Variants in SYNPO2 observed in about 807,000 individuals in gnomAD.
SYNPO2 encodes the protein synaptopodin 2, also known as synaptopodin-2.
In SYNPO2, 56 loss-of-function variants were observed where a neutral mutation model predicts 85.0. The observed-to-expected ratio is 0.66, with a 90% CI of 0.53 to 0.82. The LOEUF (loss-of-function observed/expected upper bound fraction) is 0.82. Ranked by LOEUF, SYNPO2 falls within the 40% of genes least tolerant of loss-of-function variation. The pLI, the probability that SYNPO2 is intolerant of heterozygous loss-of-function variation, is 0.00. For missense variants in SYNPO2, 1,575 were observed against 1,534.2 expected (o/e 1.03, Z -0.44); for synonymous variants, 602 against 591.1 (o/e 1.02, Z -0.27).
chr4:118,988,982 C>T lies in SYNPO2; in HGVS notation c.106-34448C>T, dbSNP rs190888820. Among the ~76,000 whole-genome samples the T allele has an allele frequency of 3.3e-5, 5 of 152,260 alleles. No individual in the cohort carries two copies. In the East Asian group the frequency reaches 9.7e-4, roughly 29 times the overall value. ...GGTGACCAAGCAGGTCTTACAGTTC[C>T]CTTCCTCAGTTAAAACAACAAAAAA... On this transcript the variant is annotated intron_variant, in intron 1 of 4. Transcript: ENST00000307142.
chr4:119,026,906 A>G lies in SYNPO2; in HGVS notation c.537A>G (p.Ala179=), dbSNP rs375549187. Residue 179 remains alanine, a synonymous_variant, in exon 3 of 5, where the codon GCA becomes GCG. Transcript: ENST00000307142. ...CTGACTCCCAAAGAGGACGCGTGGCAGAAGAGCTGATCTTAAGGGAGAAGG... is the reference window on the plus strand; with the variant it reads ...CTGACTCCCAAAGAGGACGCGTGGCGGAAGAGCTGATCTTAAGGGAGAAGG... ...QMPDSQRGRV[A]EELILREKVE... 1.2e-6 allele frequency: 2 copies of G among 1,614,198 alleles called. No homozygotes were observed. The highest frequency in any genetic ancestry group is 1.7e-6 in the Non-Finnish European group (2 of 1,180,036).
intron 1 of SYNPO2, among the ~76,000 whole-genome samples, chr4:118,896,967 A>T (rs1358502905): frequency 6.6e-6 from 1 of 152,086 alleles, no homozygotes; most frequent in Non-Finnish European, 1.5e-5. Flanking sequence ...GATAAAAAAA[A>T]AAAATGAAGG....
At chr4:118,956,249 A>C (rs939029455) in intron 1 of SYNPO2, among the ~76,000 whole-genome samples, 1 of 152,194 alleles carries the variant, frequency 6.6e-6, no homozygotes, top group South Asian at 2.1e-4. Flanking sequence ...CCATGTGTGA[A>C]GAGTAGAAAG....
intron 1 of SYNPO2, among the ~76,000 whole-genome samples, chr4:118,905,489 A>G (rs1732903834): frequency 6.6e-6 from 1 of 151,790 alleles, no homozygotes; most frequent in African/African-American, 2.4e-5. Context: ...AGAACACAGG[A>G]AGTCCGGCAT....
intron 1 of SYNPO2, among the ~76,000 whole-genome samples, chr4:118,960,972 A>G (rs750335213): frequency 6.6e-6 from 1 of 152,150 alleles, no homozygotes; most frequent in South Asian, 2.1e-4. Context: ...AGAAGCTAGC[A>G]TAAGTTTAAC....
At chr4:118,915,258 T>A (rs1214495002) in intron 1 of SYNPO2, among the ~76,000 whole-genome samples, 2 of 152,144 alleles carry the variant, frequency 1.3e-5, no homozygotes, top group Non-Finnish European at 2.9e-5. Context: ...ATACCTGATG[T>A]CTGACATTAA....
chr4:119,000,642 C>T (rs993325704), intron 1 of SYNPO2, among the ~76,000 whole-genome samples: 16 of 152,206 alleles, frequency 1.1e-4, no homozygotes, highest in Admixed American at 7.2e-4. Flanking sequence ...CTGCCACCTT[C>T]ATACCATGGC....
chr4:118,981,948 T>G (rs1736024210), intron 1 of SYNPO2, among the ~76,000 whole-genome samples: 1 of 152,162 alleles, frequency 6.6e-6, no homozygotes, highest in Non-Finnish European at 1.5e-5. Context: ...TAGTTGACTA[T>G]TCTCAGACTA....
At chr4:118,996,674 G>T (rs778037044) in intron 1 of SYNPO2, among the ~76,000 whole-genome samples, 2 of 151,672 alleles carry the variant, frequency 1.3e-5, no homozygotes, top group Non-Finnish European at 2.9e-5. Context: ...TGGCTAACAT[G>T]GTGAAACCCC....
At chr4:118,893,733 A>G (rs982987610) in intron 1 of SYNPO2, among the ~76,000 whole-genome samples, 2 of 152,192 alleles carry the variant, frequency 1.3e-5, no homozygotes, top group African/African-American at 2.4e-5. Flanking sequence ...TGTGTGGTCA[A>G]GATTCACAAC....
In SYNPO2 at chr4:118,987,457, C is replaced by T. The variant is rs559479563; in HGVS notation, c.106-35973C>T. On this transcript the variant is annotated intron_variant, in intron 1 of 4. Coordinates refer to ENST00000307142, the MANE Select transcript of SYNPO2 (RefSeq NM_133477.3). ...GGCTGAGGCAGGAGGATTGCTTGAG[C>T]CCAGAAGTTTGAGATCAGCATGGGC... 4.4e-4 allele frequency among the ~76,000 whole-genome samples: 67 copies of T among 152,208 alleles called. 2 individuals carry two copies. Among genetic ancestry groups the T allele is most frequent in the African/African-American group, 1.5e-3 (63 of 41,522 alleles).
At chr4:119,054,420 G>T (rs955844407) in intron 4 of SYNPO2, among the ~76,000 whole-genome samples, 49 of 152,154 alleles carry the variant, frequency 3.2e-4, no homozygotes, top group African/African-American at 1.1e-3. Flanking sequence ...CGTCCAGGAA[G>T]AATGAGGTCA....
chr4:118,866,690 T>C (rs1731704143), intron 1 of SYNPO2, among the ~76,000 whole-genome samples: 1 of 152,170 alleles, frequency 6.6e-6, no homozygotes, highest in African/African-American at 2.4e-5. Context: ...GTTCTCATGA[T>C]AGAGTTTCCA....
Position 119,027,142 on chromosome 4 carries a change from A to G in SYNPO2, c.773A>G (p.Lys258Arg). ...GCAGACCCTTTCCTGAGGTCCAGCAAGATAATCCAGATCTCCAGTGGCAGA... is the reference window on the plus strand; with the variant it reads ...GCAGACCCTTTCCTGAGGTCCAGCAGGATAATCCAGATCTCCAGTGGCAGA... ...EKADPFLRSS[K>R]IIQISSGREL... is the part of the protein sequence containing the mutation. Residue 258 changes from lysine (K) to arginine (R), a missense_variant, in exon 3 of 5, where the codon AAG becomes AGG. By Grantham distance (26) the Lys-to-Arg change is conservative (BLOSUM62 2). Transcript: ENST00000307142. The G allele has an allele frequency of 6.2e-7, 1 of 1,614,194 alleles. No homozygotes were observed. The highest frequency in any genetic ancestry group is 8.5e-7 in the Non-Finnish European group (1 of 1,180,044).
At chr4:118,914,533 A>G (rs1249707630) in intron 1 of SYNPO2, among the ~76,000 whole-genome samples, 3 of 152,142 alleles carry the variant, frequency 2.0e-5, no homozygotes, top group Non-Finnish European at 4.4e-5. Context: ...TATTAGTGAC[A>G]GATATTGTGG....
rs538739777 is a variant in SYNPO2 at position 118,894,480 on chromosome 4, T to C, written c.105+5339T>C. ...CAGTTTATTTCCTGGTAGCTTGTCT[T>C]CTCCATCCGTGGACTTGCTAGCCTG... is the stretch of plus-strand genomic sequence containing the variant. On this transcript the variant is annotated intron_variant, in intron 1 of 4. Transcript: ENST00000307142. Among the ~76,000 whole-genome samples the C allele has an allele frequency of 2.0e-5, 3 of 151,968 alleles. 1 individual carries two copies. In the South Asian group the frequency reaches 6.2e-4, roughly 32 times the overall value.
intron 1 of SYNPO2, among the ~76,000 whole-genome samples, chr4:118,957,321 T>G (rs1447822797): frequency 1.3e-5 from 2 of 152,190 alleles, no homozygotes; most frequent in Non-Finnish European, 2.9e-5. Context: ...GACTGGGTTC[T>G]GTCAACACAC....
chr4:118,888,942 T>C lies in SYNPO2; in HGVS notation c.-95T>C. 7.7e-7 allele frequency: 1 copy of C among 1,297,890 alleles called. No individual in the cohort carries two copies. The highest frequency in any genetic ancestry group is 2.3e-5 in the East Asian group (1 of 43,208). The allele number at this position is 1,297,890 out of a possible 1,614,324, so 80.4% of individuals were successfully genotyped here. A position where few individuals can be genotyped will look rare whatever the true frequency, so the allele number is the denominator to read the frequency against. ...CTCTGCATTACCCAGTCTTGCGTCC[T>C]CGGCAGGCGCCCGAAGCTGAGTGCG... On this transcript the variant is annotated 5_prime_UTR_variant, in exon 1 of 5. Transcript: ENST00000307142.
chr4:118,903,971 C>T (rs1270545077), intron 1 of SYNPO2, among the ~76,000 whole-genome samples: 2 of 152,092 alleles, frequency 1.3e-5, no homozygotes, highest in African/African-American at 4.8e-5. Flanking sequence ...CCACCTCAGC[C>T]TCCCAAAGTG....
Sources: allele counts gnomAD v4.1 joint callset (sites outside exome capture counted in the v4.1 genomes callset), GRCh38; gene constraint gnomAD v4.1.1; transcripts MANE v1.5; gene names NCBI Gene and HGNC (gene_info 2026-07-23, HGNC 2026-07-21).